SHOC1: variants seen among roughly 807,000 people sequenced by gnomAD.
SHOC1 encodes the protein shortage in chiasmata 1.
SHOC1 carries 136 observed loss-of-function variants against 179.2 expected under a neutral mutation model. That is an observed-to-expected ratio of 0.76 (90% confidence interval 0.66 to 0.87). The LOEUF (loss-of-function observed/expected upper bound fraction) is 0.87, where lower values mean the gene tolerates loss of function less well. Among genes scored for constraint, SHOC1 ranks in the 40% least tolerant of loss-of-function variants. SHOC1 has a pLI of 0.00. For synonymous variants in SHOC1, 489 were observed against 586.6 expected, an observed-to-expected ratio of 0.83 and a Z score of 2.41; for missense variants, 1,538 against 1,700.8, an observed-to-expected ratio of 0.90 and a Z score of 1.68.
intron 12 of SHOC1, among the ~76,000 whole-genome samples, chr9:111,734,232 TATC>T (rs1194548764): frequency 9.7e-6 from 1 of 103,374 alleles, no homozygotes; most frequent in African/African-American, 3.1e-5. Context: ...ACTTCGGAAT[TATC>T]ATAATAATTT....
chr9:111,705,337 C>A lies in SHOC1; in HGVS notation c.2765G>T (p.Gly922Val). 1 of 1,574,244 alleles carries A rather than the reference C, an allele frequency of 6.4e-7. No homozygotes were observed. The highest frequency in any genetic ancestry group is 8.6e-7 in the Non-Finnish European group (1 of 1,160,296). Residue 922 changes from glycine to valine, a missense_variant, in exon 21 of 28, where the codon GGT becomes GTT. Physicochemically the swap from Gly to Val is moderately radical, Grantham distance 109 (BLOSUM62 -3). Coordinates refer to ENST00000682961, the MANE Select transcript of SHOC1 (RefSeq NM_001378211.1). ...ERSTLLDRFG[G>V]FLLEIQIPYV... The stretch of plus-strand genomic sequence containing the variant: ...TGGAATCTGAATTTCCAAAAGAAAA[C>A]CTCCAAATCTATCCAGCAAGGTGCT...
chr9:111,774,696 C>A (rs895899661), intron 5 of SHOC1, among the ~76,000 whole-genome samples: 18 of 152,076 alleles, frequency 1.2e-4, no homozygotes, highest in African/African-American at 4.1e-4. Flanking sequence ...CTCTCTCTCT[C>A]TCTATATATA....
chr9:111,731,911 T>G (rs1833588060), intron 12 of SHOC1, among the ~76,000 whole-genome samples: 1 of 152,086 alleles, frequency 6.6e-6, no homozygotes, highest in Non-Finnish European at 1.5e-5. Flanking sequence ...GATACAAGAT[T>G]GCCACAAAAC....
chr9:111,700,160 C>T (rs1281944519), intron 23 of SHOC1, 113 bp from the exon 24 acceptor site: 11 of 600,786 alleles, frequency 1.8e-5, no homozygotes, highest in Non-Finnish European at 2.9e-5. Flanking sequence ...CTAGCTAAGA[C>T]AATACTAGTG....
chr9:111,707,964 A>G (rs755101472), intron 18 of SHOC1, 40 bp from the exon 19 acceptor site: 1 of 1,229,480 alleles, frequency 8.1e-7, no homozygotes, highest in South Asian at 1.6e-5. Context: ...TGTCTTGTTC[A>G]GATACATATT....
At chr9:111,774,617 C>T (rs1835755984) in intron 5 of SHOC1, among the ~76,000 whole-genome samples, 1 of 152,170 alleles carries the variant, frequency 6.6e-6, no homozygotes, top group Non-Finnish European at 1.5e-5. Flanking sequence ...TCTACTATAT[C>T]ATGCTCTCAA....
intron 8 of SHOC1, among the ~76,000 whole-genome samples, 154 bp from the exon 9 acceptor site, chr9:111,748,353 G>A (rs562667622): frequency 6.6e-6 from 1 of 152,166 alleles, no homozygotes; most frequent in African/African-American, 2.4e-5. Flanking sequence ...TACTTCTGAA[G>A]AAAATGCTAA....
At chr9:111,756,123 GACA>G (rs71496710) in intron 8 of SHOC1, among the ~76,000 whole-genome samples, 199 bp downstream of exon 8, 17 of 151,226 alleles carry the variant, frequency 1.1e-4, no homozygotes, top group African/African-American at 2.9e-4. Context: ...ATTTTGTCTC[GACA>G]ACAACAACAA....
intron 2 of SHOC1, 94 bp downstream of exon 2, chr9:111,791,280 T>C: frequency 1.6e-6 from 1 of 606,804 alleles, no homozygotes; most frequent in Non-Finnish European, 2.5e-6. Context: ...TCCTAAGCAT[T>C]TCAGATAAGG....
chr9:111,777,438 C>A (rs559813070), intron 4 of SHOC1, among the ~76,000 whole-genome samples: 1 of 145,542 alleles, frequency 6.9e-6, no homozygotes, highest in Non-Finnish European at 1.6e-5. Context: ...TCAGCCTACA[C>A]CCAGGAATGA....
chr9:111,785,781 C>T, intron 3 of SHOC1, 131 bp downstream of exon 3: 1 of 674,758 alleles, frequency 1.5e-6, no homozygotes. Flanking sequence ...TTGTTAACTT[C>T]TTGGAATTCT....
intron 12 of SHOC1, among the ~76,000 whole-genome samples, chr9:111,732,572 T>A (rs2131459296): frequency 6.6e-6 from 1 of 152,106 alleles, no homozygotes; most frequent in Middle Eastern, 3.4e-3. Flanking sequence ...TTTTTAACAA[T>A]AAAAATAAAT....
At chr9:111,693,667 T>C in intron 26 of SHOC1, 132 bp downstream of exon 26, 1 of 471,536 alleles carries the variant, frequency 2.1e-6, no homozygotes, top group Non-Finnish European at 3.7e-6. Flanking sequence ...TCAAGTAAAT[T>C]ATTTCCTTGC....
chr9:111,792,325 G>A (rs1564174455), intron 1 of SHOC1, among the ~76,000 whole-genome samples: 1 of 152,184 alleles, frequency 6.6e-6, no homozygotes, highest in Admixed American at 6.5e-5. Flanking sequence ...GCTCACACCT[G>A]TAATCCCAGC....
In SHOC1 at chr9:111,779,475, C is replaced by T. The variant is rs1342861392; in HGVS notation, c.257+1455G>A. Reference sequence around the variant, plus strand: ...GCCTAATTATTGCCTTTGCTAAACACTTATTGCATATTCCTGTGTCTATGC... The same window carrying T: ...GCCTAATTATTGCCTTTGCTAAACATTTATTGCATATTCCTGTGTCTATGC... On this transcript the variant is annotated intron_variant, in intron 4 of 27. Transcript: ENST00000682961. 2.6e-5 allele frequency among the ~76,000 whole-genome samples: 4 copies of T among 152,172 alleles called. No homozygotes were observed. The East Asian group carries it at 7.7e-4, about 29-fold the overall frequency.
intron 24 of SHOC1, among the ~76,000 whole-genome samples, chr9:111,699,724 C>T (rs537767463): frequency 1.3e-5 from 2 of 152,208 alleles, no homozygotes; most frequent in African/African-American, 4.8e-5. Flanking sequence ...GTTTAGAGAA[C>T]ATCTGAGTAG....
At chr9:111,759,102 TAATAC>T in intron 5 of SHOC1, 1 of 1,530,020 alleles carries the variant, frequency 6.5e-7, no homozygotes, top group Non-Finnish European at 8.8e-7. Context: ...CTGTAACGGC[TAATAC>T]TTTATCAATA....
At position 111,691,541 on chromosome 9, in the gene SHOC1, A is replaced by G; in HGVS notation, c.4426+10T>C. 1 of 1,589,270 alleles carries G rather than the reference A, an allele frequency of 6.3e-7. No individual in the cohort carries two copies. The highest frequency in any genetic ancestry group is 8.6e-7 in the Non-Finnish European group (1 of 1,168,404). ...TGAGAGTAGTTTTATCAACTATTGG[A>G]TAGTGTTACCTGTTAATGATTCCTT... On this transcript the variant is annotated intron_variant, in intron 27 of 27. Transcript: ENST00000682961.
intron 4 of SHOC1, 148 bp downstream of exon 4, chr9:111,780,782 T>C (rs1187432087): frequency 1.9e-6 from 1 of 517,022 alleles, no homozygotes; most frequent in Admixed American, 3.8e-5. Context: ...CACTCCTTTG[T>C]GGTTCAAATT....
Sources: gnomAD v4.1 joint callset for allele counts (sites outside exome capture counted in the v4.1 genomes callset) on GRCh38, gnomAD v4.1.1 for gene constraint, MANE v1.5 for transcripts, NCBI Gene and HGNC (gene_info 2026-07-23, HGNC 2026-07-21) for gene names.